Variants in UNC80 observed in about 807,000 individuals in gnomAD.
UNC80 encodes unc-80 subunit of NALCN channel complex.
A neutral mutation model predicts 384.6 loss-of-function variants in UNC80; 164 were observed. The observed-to-expected ratio is 0.43, with a 90% CI of 0.38 to 0.49. The LOEUF is 0.49. UNC80 is among the 20% of genes least tolerant of loss of function. The pLI is 0.00. For missense variants in UNC80, 3,330 were observed against 4,143.0 expected (o/e 0.80, Z 5.39); for synonymous variants, 1,486 against 1,527.8 (o/e 0.97, Z 0.64).
intron 60 of UNC80, among the ~76,000 whole-genome samples, chr2:209,984,034 A>G (rs2093224227): frequency 6.6e-6 from 1 of 152,118 alleles, no homozygotes; most frequent in Non-Finnish European, 1.5e-5. Flanking sequence ...GTTCTCTCCA[A>G]TTTAACGAGT....
In UNC80 at chr2:209,813,702, A is replaced by C. The variant is rs2079526797; in HGVS notation, c.1061A>C (p.Tyr354Ser). Residue 354 changes from tyrosine (Y) to serine (S), a missense_variant, in exon 8 of 65, where the codon TAC (tyrosine) becomes TCC (serine). Around this residue, in one of 8 missense-constraint regions of UNC80, gnomAD observed 937 missense variants for 1,026.8 expected, o/e 0.91. Coordinates refer to ENST00000673920, the MANE Select transcript of UNC80 (RefSeq NM_001371986.1). ...GAAGGCACTCAGTGGTCTCTGATGT[A>C]CTATCTACAAAGGCTGCGACACATG... The part of the protein sequence containing the change: ...SEEGTQWSLM[Y>S]YLQRLRHMLE... 1.9e-6 allele frequency: 3 copies of C among 1,551,750 alleles called. No individual in the cohort carries two copies. The highest frequency in any genetic ancestry group is 2.6e-6 in the Non-Finnish European group (3 of 1,147,022).
chr2:209,825,619 A>G (rs2080456723), intron 13 of UNC80, among the ~76,000 whole-genome samples: 1 of 152,184 alleles, frequency 6.6e-6, no homozygotes, highest in South Asian at 2.1e-4. Flanking sequence ...GTGGTTGTCT[A>G]ACAGCAGTCA....
intron 44 of UNC80, among the ~76,000 whole-genome samples, 182 bp downstream of exon 44, chr2:209,941,671 T>C (rs1242355253): frequency 6.6e-6 from 1 of 152,230 alleles, no homozygotes; most frequent in Non-Finnish European, 1.5e-5. Flanking sequence ...TCCTTTCTAC[T>C]CTGAGAGCCC....
intron 24 of UNC80, among the ~76,000 whole-genome samples, chr2:209,879,344 G>A (rs748463669): frequency 3.3e-5 from 5 of 152,244 alleles, no homozygotes; most frequent in South Asian, 2.1e-4. Flanking sequence ...CATTAAATGC[G>A]TGCATCCTCC....
chr2:209,888,966 T>C (rs1037682722), intron 26 of UNC80, among the ~76,000 whole-genome samples: 1 of 152,196 alleles, frequency 6.6e-6, no homozygotes, highest in African/African-American at 2.4e-5. Flanking sequence ...TTTTAAAAAC[T>C]ACACCTCTGC....
chr2:209,849,741 A>G (rs2082390278), intron 22 of UNC80, 118 bp downstream of exon 22: 1 of 1,117,680 alleles, frequency 8.9e-7, no homozygotes, highest in Admixed American at 2.8e-5. Flanking sequence ...CTTTTTCAGA[A>G]TTAGTGATAA....
At position 209,913,832 on chromosome 2, in the gene UNC80, C is replaced by G. The variant is rs2089229268; in HGVS notation, c.4921C>G (p.Leu1641Val). The G allele has an allele frequency of 6.4e-7, 1 of 1,550,902 alleles. No homozygotes were observed. The highest frequency in any genetic ancestry group is 8.7e-7 in the Non-Finnish European group (1 of 1,146,450). ...VMSLSPAPLSLLIKAAPILTE... is the reference protein window; with the variant it reads ...VMSLSPAPLSVLIKAAPILTE... The stretch of plus-strand genomic sequence containing the variant: ...GAGCTTGTCGCCTGCTCCCTTATCT[C>G]TGTTAATCAAGGCAGCACCAATTCT... Residue 1641 changes from leucine to valine, a missense_variant, in exon 31 of 65, where the codon CTG (leucine) becomes GTG (valine). Leu to Val is a conservative substitution (Grantham distance 32, BLOSUM62 1). Around this residue, in one of 8 missense-constraint regions of UNC80, gnomAD observed 801 missense variants for 950.8 expected, o/e 0.84. Transcript: ENST00000673920.
chr2:209,833,947 T>C, intron 16 of UNC80, 55 bp from the exon 17 acceptor site: 6 of 1,525,140 alleles, frequency 3.9e-6, no homozygotes, highest in Non-Finnish European at 5.3e-6. Context: ...CTGGAAAAAC[T>C]ATTTAATCAC....
chr2:209,977,541 C>T (rs535613017), intron 58 of UNC80, among the ~76,000 whole-genome samples: 47 of 152,206 alleles, frequency 3.1e-4, no homozygotes, highest in African/African-American at 1.1e-3. Flanking sequence ...AGGAAACAGA[C>T]ACAGTAGAAA....
chr2:209,841,188 C>A (rs895632704), intron 20 of UNC80, among the ~76,000 whole-genome samples: 2 of 152,194 alleles, frequency 1.3e-5, no homozygotes, highest in African/African-American at 4.8e-5. Flanking sequence ...GTGGTTGCTT[C>A]ATGGCCTGGT....
At chr2:209,878,720 G>A (rs982572827) in intron 24 of UNC80, among the ~76,000 whole-genome samples, 7 of 152,128 alleles carry the variant, frequency 4.6e-5, no homozygotes, top group African/African-American at 9.7e-5. Context: ...TTGTGCATAC[G>A]TGTGTTCTAT....
chr2:209,882,926 A>G (rs2124899057), intron 25 of UNC80, among the ~76,000 whole-genome samples: 1 of 152,288 alleles, frequency 6.6e-6, no homozygotes, highest in African/African-American at 2.4e-5. Context: ...AAATCTTCTA[A>G]ATTTGATTAA....
rs2093499532 is a variant in UNC80, at chr2:209,997,443, T to C, written c.*1848T>C. 1 of 152,220 alleles carries C rather than the reference T, an allele frequency of 6.6e-6. No individual in the cohort carries two copies. Among genetic ancestry groups the C allele is most frequent in the African/African-American group, 2.4e-5 (1 of 41,456 alleles). The allele number at this position is 152,220 out of a possible 1,614,324, so 9.4% of individuals were successfully genotyped here. A position where few individuals can be genotyped will look rare whatever the true frequency, so the allele number is the denominator to read the frequency against. On this transcript the variant is annotated 3_prime_UTR_variant, in exon 65 of 65. Transcript: ENST00000673920. ...TGGTAATTACAAGTGTCTGGGCTAT[T>C]GGCGCGTCTCTATATATGTGTGTGC...
chr2:209,975,795 T>C (rs886976187), intron 56 of UNC80, among the ~76,000 whole-genome samples: 1 of 152,192 alleles, frequency 6.6e-6, no homozygotes, highest in Non-Finnish European at 1.5e-5. Context: ...GGTAAAACGT[T>C]AGCCACACAT....
chr2:209,832,002 C>A (rs577243824), intron 16 of UNC80, among the ~76,000 whole-genome samples: 1 of 152,050 alleles, frequency 6.6e-6, no homozygotes, highest in Non-Finnish European at 1.5e-5. Context: ...GTTTTGTTTT[C>A]TTTTATTAAG....
chr2:209,870,520 T>C (rs1369361710), intron 22 of UNC80, among the ~76,000 whole-genome samples: 3 of 152,156 alleles, frequency 2.0e-5, no homozygotes, highest in Admixed American at 2.0e-4. Flanking sequence ...CTTGACCCCA[T>C]GCATTGATGA....
intron 32 of UNC80, 83 bp downstream of exon 32, chr2:209,918,041 T>G: frequency 7.6e-7 from 1 of 1,311,806 alleles, no homozygotes. Flanking sequence ...AAAGTCACAG[T>G]ATGTGGCCAA....
In UNC80 at chr2:209,911,659, C is replaced by A. The variant is rs527889342; in HGVS notation, c.4783-901C>A. Among the ~76,000 whole-genome samples the A allele has an allele frequency of 2.0e-5, 3 of 152,188 alleles. No homozygotes were observed. The South Asian group carries it at 6.2e-4, about 32-fold the overall frequency. ...AGAAGTTCAGTTTTTTTTCCCTTGG[C>A]TAGAGGGAGAAAGTGTTTCACTGAC... On this transcript the variant is annotated intron_variant, in intron 29 of 64. Transcript: ENST00000673920.
chr2:209,992,833 A>G (rs576537034), intron 62 of UNC80, among the ~76,000 whole-genome samples: 4 of 152,226 alleles, frequency 2.6e-5, no homozygotes, highest in Non-Finnish European at 5.9e-5. Flanking sequence ...AGATTTCCTT[A>G]GGTGGAGTTC....
Sources: gnomAD v4.1 joint callset for allele counts (sites outside exome capture counted in the v4.1 genomes callset) on GRCh38, gnomAD v4.1.1 for gene constraint, gnomAD v4.1.1 regional missense constraint, MANE v1.5 for transcripts, NCBI Gene and HGNC (gene_info 2026-07-23, HGNC 2026-07-21) for gene names.